ELF1: variants seen among roughly 807,000 people sequenced by gnomAD.
ELF1 encodes E74 like ETS transcription factor 1.
ELF1 carries 24 observed loss-of-function variants against 59.9 expected under a neutral mutation model. The observed-to-expected ratio is 0.40, with a 90% confidence interval of 0.29 to 0.56. The LOEUF (loss-of-function observed/expected upper bound fraction) is 0.56. Ranked by LOEUF, ELF1 falls within the 20% of genes least tolerant of loss-of-function variation. The pLI, the probability that ELF1 is intolerant of heterozygous loss-of-function variation, is 0.44. For synonymous variants in ELF1, 248 were observed against 266.2 expected (o/e 0.93, Z 0.67); for missense variants, 627 against 742.2 (o/e 0.84, Z 1.80).
chr13:41,015,312 T>C lies in ELF1; in HGVS notation c.-229+3916A>G, dbSNP rs572861434. Among the ~76,000 whole-genome samples, 11 of 151,970 alleles carry C rather than the reference T, an allele frequency of 7.2e-5. No individual in the cohort carries two copies. The East Asian group carries it at 9.7e-4, about 13-fold the overall frequency. On this transcript the variant is annotated intron_variant, in intron 1 of 8. Transcript: ENST00000239882. ...AGAAAAGGAAAGACGGATAGCCACATAGTTGAACAACATATAGCACAGCAA... is the reference window on the plus strand; with the variant it reads ...AGAAAAGGAAAGACGGATAGCCACACAGTTGAACAACATATAGCACAGCAA...
At chr13:40,936,880 G>A (rs909981238) in intron 8 of ELF1, among the ~76,000 whole-genome samples, 3 of 152,152 alleles carry the variant, frequency 2.0e-5, no homozygotes, top group African/African-American at 7.2e-5. Flanking sequence ...CAGGAGCTGG[G>A]AGGTGAAGGG....
At chr13:40,974,209 G>T (rs962811927) in intron 2 of ELF1, among the ~76,000 whole-genome samples, 1 of 151,932 alleles carries the variant, frequency 6.6e-6, no homozygotes, top group Non-Finnish European at 1.5e-5. Flanking sequence ...TTTTTAAAAG[G>T]TACATATACA....
At position 40,946,783 on chromosome 13, in the gene ELF1, T is replaced by C. The variant is rs79303966; in HGVS notation, c.530-2858A>G. Among the ~76,000 whole-genome samples the C allele has an allele frequency of 1.4e-3, 215 of 152,106 alleles. 3 individuals are homozygous for C. The East Asian group carries it at 0.038, about 27-fold the overall frequency. On this transcript the variant is annotated intron_variant, in intron 5 of 8. Transcript: ENST00000239882. ...GGAAGGCCAAACCAGGAGGAATGCTTGAGCCTAGAAGTTTAAGACCAAGCT... is the reference window on the plus strand; with the variant it reads ...GGAAGGCCAAACCAGGAGGAATGCTCGAGCCTAGAAGTTTAAGACCAAGCT...
At position 40,968,911 on chromosome 13, in the gene ELF1, G is replaced by A. The variant is rs140654153; in HGVS notation, c.73-9895C>T. 7.1e-3 allele frequency among the ~76,000 whole-genome samples: 1,074 copies of A among 151,980 alleles called. 19 individuals are homozygous for A. Among genetic ancestry groups the A allele is most frequent in the African/African-American group, 0.025 (1,027 of 41,434 alleles). ...ATTTTTGTGTTTTTTGTAGAGATGG[G>A]GTTTTGTCATGTTGCCCAGGCTGGT... On this transcript the variant is annotated intron_variant, in intron 2 of 8. Coordinates refer to ENST00000239882, the MANE Select transcript of ELF1 (RefSeq NM_172373.4).
At position 40,941,381 on chromosome 13, in the gene ELF1, C is replaced by A; in HGVS notation, c.807-11G>T. ...CTTTGGTAATAGTACCTATTCAAAG[C>A]AGACAATTTCATCAATCAATCAAAC... On this transcript the variant is annotated splice_polypyrimidine_tract_variant and intron_variant, in intron 7 of 8. Transcript: ENST00000239882. 1 of 1,544,704 alleles carries A rather than the reference C, an allele frequency of 6.5e-7. No homozygotes were observed. The highest frequency in any genetic ancestry group is 8.7e-7 in the Non-Finnish European group (1 of 1,148,396).
intron 8 of ELF1, among the ~76,000 whole-genome samples, chr13:40,940,258 A>C (rs1438830685): frequency 6.6e-6 from 1 of 150,994 alleles, no homozygotes; most frequent in Admixed American, 6.7e-5. Flanking sequence ...TTCCTCCCAT[A>C]CTCCCATTCT....
chr13:40,933,728 G>A lies in ELF1; in HGVS notation c.1557C>T (p.Thr519=), dbSNP rs749076139. Residue 519 remains threonine (T), a synonymous_variant, in exon 9 of 9, where the codon ACC becomes ACT. Transcript: ENST00000239882. ...AGGATGGAGAGGAAGCCACACTGAC[G>A]GTTCCATTGCAAATGGTCTGAACAT... The part of the protein sequence containing the change: ...TSNVQTICNG[T]VSVASSPSFS... The A allele has an allele frequency of 1.4e-5, 22 of 1,614,270 alleles. No homozygotes were observed. The highest frequency in any genetic ancestry group is 2.7e-5 in the African/African-American group (2 of 75,070).
intron 1 of ELF1, among the ~76,000 whole-genome samples, chr13:41,013,162 G>C (rs1875175025): frequency 6.6e-6 from 1 of 152,052 alleles, no homozygotes; most frequent in African/African-American, 2.4e-5. Flanking sequence ...GATTCTGAAT[G>C]GGTTAGAAGT....
chr13:40,963,556 C>G lies in ELF1; in HGVS notation c.73-4540G>C, dbSNP rs145121347. 3.1e-3 allele frequency among the ~76,000 whole-genome samples: 470 copies of G among 152,280 alleles called. 1 individual carries two copies. The highest frequency in any genetic ancestry group is 0.011 in the African/African-American group (453 of 41,552). On this transcript the variant is annotated intron_variant, in intron 2 of 8. Coordinates refer to ENST00000239882, the MANE Select transcript of ELF1 (RefSeq NM_172373.4). ...TCAAAGTTGTTCATCTCTCGTTTCC[C>G]CAGGATGCTATTAATCCATATATAA...
intron 1 of ELF1, among the ~76,000 whole-genome samples, chr13:41,030,660 A>G (rs1432612732): frequency 1.3e-5 from 2 of 151,926 alleles, no homozygotes; most frequent in South Asian, 2.1e-4. Flanking sequence ...CTGAGGTGGG[A>G]AGACTGCTTG....
At chr13:40,945,955 T>C (rs1332310475) in intron 5 of ELF1, among the ~76,000 whole-genome samples, 3 of 152,210 alleles carry the variant, frequency 2.0e-5, no homozygotes, top group Admixed American at 2.0e-4. Flanking sequence ...GCGATTCTCG[T>C]GCCTCAGCCT....
In ELF1 at chr13:40,991,113, T is replaced by G. The variant is rs567234500; in HGVS notation, c.-228-8831A>C. On this transcript the variant is annotated intron_variant, in intron 1 of 8. Transcript: ENST00000239882. ...TCAGACAAATCTCCACAGAGGGACATTCCACGAAATACCAGTTTATTTCTC... is the reference window on the plus strand; with the variant it reads ...TCAGACAAATCTCCACAGAGGGACAGTCCACGAAATACCAGTTTATTTCTC... 2.6e-5 allele frequency among the ~76,000 whole-genome samples: 4 copies of G among 152,304 alleles called. No homozygotes were observed. In the South Asian group the frequency reaches 8.3e-4, roughly 32 times the overall value.
chr13:41,002,058 T>A (rs1364329004), intron 1 of ELF1, among the ~76,000 whole-genome samples: 3 of 152,054 alleles, frequency 2.0e-5, no homozygotes, highest in East Asian at 1.9e-4. Flanking sequence ...GAAGTTTTTT[T>A]ACCTTTCAGA....
chr13:40,949,760 C>T, intron 5 of ELF1, 46 bp downstream of exon 5: 1 of 1,592,366 alleles, frequency 6.3e-7, no homozygotes, highest in East Asian at 2.2e-5. Flanking sequence ...ATCTAGATTT[C>T]ACACCAAGAC....
chr13:41,014,080 T>C (rs766764165), intron 1 of ELF1, among the ~76,000 whole-genome samples: 2 of 151,976 alleles, frequency 1.3e-5, no homozygotes, highest in Admixed American at 1.3e-4. Flanking sequence ...TTCTAATATA[T>C]AGAGTAGAAC....
At chr13:40,990,745 C>T (rs1455448249) in intron 1 of ELF1, among the ~76,000 whole-genome samples, 1 of 150,632 alleles carries the variant, frequency 6.6e-6, no homozygotes, top group Non-Finnish European at 1.5e-5. Flanking sequence ...GTCCCAGCTA[C>T]TCGGGAGGCT....
intron 1 of ELF1, among the ~76,000 whole-genome samples, chr13:41,014,933 G>A (rs2138375460): frequency 6.6e-6 from 1 of 152,052 alleles, no homozygotes; most frequent in South Asian, 2.1e-4. Context: ...TAAAAAAAAA[G>A]TTACTTCCTC....
At chr13:41,041,141 A>AG (rs1187321846) in intron 1 of ELF1, among the ~76,000 whole-genome samples, 1 of 152,004 alleles carries the variant, frequency 6.6e-6, no homozygotes, top group Non-Finnish European at 1.5e-5. Flanking sequence ...GGTAGGAGGA[A>AG]GCATCATGGC....
chr13:40,953,979 A>G (rs1871032350), intron 3 of ELF1, among the ~76,000 whole-genome samples: 1 of 152,186 alleles, frequency 6.6e-6, no homozygotes, highest in Non-Finnish European at 1.5e-5. Flanking sequence ...CAACTTACAA[A>G]GACTGTAGCC....
Sources: allele counts gnomAD v4.1 joint callset (sites outside exome capture counted in the v4.1 genomes callset), GRCh38; gene constraint gnomAD v4.1.1; transcripts MANE v1.5; gene names NCBI Gene and HGNC (gene_info 2026-07-23, HGNC 2026-07-21).